Variants in ZNF142 observed in about 807,000 individuals in gnomAD.
The protein encoded by ZNF142 is zinc finger protein 142, also known as zinc finger protein 142 (clone pHZ-49).
Under a neutral mutation model 132.1 loss-of-function variants are expected in ZNF142, and 96 were observed. The observed-to-expected ratio is 0.73, with a 90% CI of 0.62 to 0.86. ZNF142 has a LOEUF of 0.86. Among genes scored for constraint, ZNF142 ranks in the 40% least tolerant of loss-of-function variants. ZNF142 has a pLI of 0.00. For missense variants in ZNF142, 2,163 were observed against 2,336.2 expected, an observed-to-expected ratio of 0.93 and a Z score of 1.53; for synonymous variants, 842 against 890.1, an observed-to-expected ratio of 0.95 and a Z score of 0.96.
In ZNF142 at chr2:218,643,396, AGAG is replaced by A. The variant is rs1232577582; in HGVS notation, c.3717_3719del (p.Ser1240del). ...AGCCTTCAGCCACGTGAGAGGTAAT[AGAG>A]GAGAGCCGGGAACAAAGGAATGGGC... On this transcript the variant is annotated inframe_deletion, in exon 9 of 11. Transcript: ENST00000411696. The A allele has an allele frequency of 7.4e-6, 12 of 1,614,088 alleles. No homozygotes were observed. The highest frequency in any genetic ancestry group is 1.7e-5 in the Admixed American group (1 of 60,006).
chr2:218,651,764 C>G lies in ZNF142; in HGVS notation c.817G>C (p.Gly273Arg). 1 of 1,289,888 alleles carries G rather than the reference C, an allele frequency of 7.8e-7. No homozygotes were observed. The highest frequency in any genetic ancestry group is 1.2e-5 in the South Asian group (1 of 81,026). 79.9% of individuals were successfully genotyped at this position (1,289,888 alleles called of 1,614,324 possible). Residue 273 changes from glycine (G) to arginine (R), a missense_variant, in exon 5 of 11, where the codon GGT (glycine) becomes CGT (arginine). Transcript: ENST00000411696. ...KLFRQHQRSH[G>R]AGTQGELSAV... is the part of the protein sequence containing the mutation. ...GAAAGTTCTCCCTGTGTCCCAGCAC[C>G]ATGGCTCCGCTGATGCTGCCGGAAG...
chr2:218,651,313 G>A (rs1270072200), intron 5 of ZNF142, among the ~76,000 whole-genome samples: 1 of 152,122 alleles, frequency 6.6e-6, no homozygotes, highest in African/African-American at 2.4e-5. Flanking sequence ...AAATAACCCT[G>A]GCTTCTACTG....
chr2:218,649,515 A>G, intron 6 of ZNF142, 56 bp from the exon 7 acceptor site: 1 of 1,447,884 alleles, frequency 6.9e-7, no homozygotes, highest in East Asian at 2.5e-5. Context: ...GGAAAGCCAG[A>G]TAATGGGAGA....
intron 4 of ZNF142, among the ~76,000 whole-genome samples, chr2:218,653,551 G>A (rs919171214): frequency 6.7e-6 from 1 of 149,336 alleles, no homozygotes; most frequent in African/African-American, 2.5e-5. Flanking sequence ...CTGCAGCCTG[G>A]GTGACAAGAG....
In ZNF142 at chr2:218,636,576, G is replaced by A. The variant is rs1696769518; in HGVS notation, c.*1763C>T. On this transcript the variant is annotated 3_prime_UTR_variant, in exon 11 of 11. Transcript: ENST00000411696. ...GAAGGCCTGGAGGGGGATGAGTCCTGAGGTGGGCATTTCACGGGAAGGGTT... is the reference window on the plus strand; with the variant it reads ...GAAGGCCTGGAGGGGGATGAGTCCTAAGGTGGGCATTTCACGGGAAGGGTT... 6.2e-7 allele frequency: 1 copy of A among 1,613,682 alleles called. No homozygotes were observed. The highest frequency in any genetic ancestry group is 8.5e-7 in the Non-Finnish European group (1 of 1,179,736).
In ZNF142 at chr2:218,642,618, C is replaced by T. The variant is rs1697318937; in HGVS notation, c.4498G>A (p.Ala1500Thr). The T allele has an allele frequency of 6.2e-7, 1 of 1,613,976 alleles. No individual in the cohort carries two copies. Among genetic ancestry groups the T allele is most frequent in the East Asian group, 2.2e-5 (1 of 44,878 alleles). Residue 1500 changes from alanine to threonine, a missense_variant, in exon 9 of 11, where the codon GCA becomes ACA. This residue lies in a region of ZNF142 where 809 missense variants were observed against 801.7 expected (regional missense o/e 1.01). Transcript: ENST00000411696. This position sits in a 1 kb window ranked among gnomAD's most constrained non-coding sequence, Gnocchi z 4.6. Reference sequence around the variant, plus strand: ...CGGCGCAGAGCATGCTGCTTAAGTGCTGTCTCTGAGCTGAACTGGGCTTCA... The same window carrying T: ...CGGCGCAGAGCATGCTGCTTAAGTGTTGTCTCTGAGCTGAACTGGGCTTCA... ...QCEAQFSSETALKQHALRRHP... is the reference protein window; with the variant it reads ...QCEAQFSSETTLKQHALRRHP...
rs188734714 is a variant in ZNF142, at chr2:218,638,649, C to T, written c.5354G>A (p.Arg1785His). The change falls in exon 11 of 11, where the codon CGC (arginine) becomes CAC (histidine). Residue 1785 changes from arginine to histidine, a missense_variant. This residue lies in a region of ZNF142 where 325 missense variants were observed against 367.8 expected (regional missense o/e 0.88). Coordinates refer to ENST00000411696, the MANE Select transcript of ZNF142 (RefSeq NM_001379659.1). ...KTRFLLRTHL[R>H]KHSEAKPYVC... ...ATAGGGTTTGGCCTCACTGTGCTTG[C>T]GAAGGTGGGTGCGCAGCAGGAAGCG... 59 of 1,614,206 alleles carry T rather than the reference C, an allele frequency of 3.7e-5. 1 individual carries two copies. Among genetic ancestry groups the T allele is most frequent in the East Asian group, 2.5e-4 (11 of 44,884 alleles).
Position 218,652,035 on chromosome 2 carries a change from G to C in ZNF142, c.546C>G (p.His182Gln). ...CAGGAGTGCCCCGGTGAATCTTGAA[G>C]TGGCTCTTCAGGGCCTGGGGTTGGG... ...EFAQPQALKS[H>Q]FKIHRGTPDT... The change falls in exon 5 of 11, where the codon CAC (histidine) becomes CAG (glutamine). Residue 182 changes from histidine to glutamine, a missense_variant. By Grantham distance (24) the His-to-Gln change is conservative. Transcript: ENST00000411696. The C allele has an allele frequency of 1.9e-6, 1 of 514,536 alleles. No individual in the cohort carries two copies. The highest frequency in any genetic ancestry group is 3.6e-6 in the Non-Finnish European group (1 of 280,132). 31.9% of individuals were successfully genotyped at this position (514,536 alleles called of 1,614,324 possible).
intron 9 of ZNF142, among the ~76,000 whole-genome samples, chr2:218,641,370 G>A (rs1332592096): frequency 2.0e-5 from 3 of 150,246 alleles, no homozygotes; most frequent in Non-Finnish European, 3.0e-5. Flanking sequence ...CCTCAGCCTC[G>A]AGTAGCTGGG....
In ZNF142 at chr2:218,644,426, A is replaced by T. The variant is rs1408454143; in HGVS notation, c.2690T>A (p.Leu897Gln). ...CTCCAGCTCTACTCCCAGGGCCTCT[A>T]GGTGTAGTGTGCAGCTGCCCTCCTC... ...EVEEGSCTLH[L>Q]EALGVELESV... Residue 897 changes from leucine (L) to glutamine (Q), a missense_variant, in exon 9 of 11, where the codon CTA (leucine) becomes CAA (glutamine). Transcript: ENST00000411696. The surrounding 1 kb of genome is among the most constrained non-coding windows in gnomAD (Gnocchi z 4.6). 6.2e-7 allele frequency: 1 copy of T among 1,614,014 alleles called. No homozygotes were observed. The highest frequency in any genetic ancestry group is 1.1e-5 in the South Asian group (1 of 91,086).
chr2:218,647,646 C>T (rs1697862003), intron 7 of ZNF142, among the ~76,000 whole-genome samples: 1 of 152,078 alleles, frequency 6.6e-6, no homozygotes, highest in Non-Finnish European at 1.5e-5. Context: ...CCAAAGCTGT[C>T]AGTGATACTC....
chr2:218,643,115 T>C lies in ZNF142; in HGVS notation c.4001A>G (p.Glu1334Gly), dbSNP rs1349437622. The C allele has an allele frequency of 3.1e-6, 5 of 1,613,052 alleles. No individual in the cohort carries two copies. Among genetic ancestry groups the C allele is most frequent in the Non-Finnish European group, 3.4e-6 (4 of 1,179,600 alleles). ...IRGCPLEESG[E>G]LHCSLCPFTA... ...GAATGGGCAGAGGCTGCAGTGCAGC[T>C]CTCCAGACTCCTCGAGGGGGCAGCC... Residue 1334 changes from glutamate to glycine, a missense_variant, in exon 9 of 11, where the codon GAG becomes GGG. Transcript: ENST00000411696.
rs200133906 is a variant in ZNF142 at position 218,638,625 on chromosome 2, T to C, written c.5378A>G (p.Tyr1793Cys). 1.9e-6 allele frequency: 3 copies of C among 1,614,158 alleles called. No individual in the cohort carries two copies. The highest frequency in any genetic ancestry group is 1.1e-5 in the South Asian group (1 of 91,080). The change falls in exon 11 of 11, where the codon TAT becomes TGT. Residue 1793 changes from tyrosine (Y) to cysteine (C), a missense_variant. Coordinates refer to ENST00000411696, the MANE Select transcript of ZNF142 (RefSeq NM_001379659.1). ...HLRKHSEAKP[Y>C]VCNVCHRAFR... ...AGCACGGTGGCACACATTGCACACA[T>C]AGGGTTTGGCCTCACTGTGCTTGCG...
In ZNF142 at chr2:218,640,709, A is replaced by G; in HGVS notation, c.5149T>C (p.Cys1717Arg). Residue 1717 changes from cysteine (C) to arginine (R), a missense_variant, in exon 10 of 11, where the codon TGC (cysteine) becomes CGC (arginine). Around this residue, in one of 7 missense-constraint regions of ZNF142, gnomAD observed 325 missense variants for 367.8 expected, o/e 0.88. Transcript: ENST00000411696. ...KYLCPECGYKCKWVNQLKYHM... is the reference protein window; with the variant it reads ...KYLCPECGYKRKWVNQLKYHM... ...TATTTCAGCTGGTTGACCCACTTGCACTTGTAGCCACACTCAGGGCACAGG... is the reference window on the plus strand; with the variant it reads ...TATTTCAGCTGGTTGACCCACTTGCGCTTGTAGCCACACTCAGGGCACAGG... 1 of 1,614,158 alleles carries G rather than the reference A, an allele frequency of 6.2e-7. No homozygotes were observed. Among genetic ancestry groups the G allele is most frequent in the Non-Finnish European group, 8.5e-7 (1 of 1,180,028 alleles).
rs1484115283 is a variant in ZNF142 at position 218,635,821 on chromosome 2, A to G, written c.*2518T>C. 4.3e-6 allele frequency: 7 copies of G among 1,613,454 alleles called. No individual in the cohort carries two copies. The highest frequency in any genetic ancestry group is 3.3e-5 in the South Asian group (3 of 90,958). On this transcript the variant is annotated 3_prime_UTR_variant, in exon 11 of 11. Coordinates refer to ENST00000411696, the MANE Select transcript of ZNF142 (RefSeq NM_001379659.1). Reference sequence around the variant, plus strand: ...GTGATCAGCGGTCAGCAACTCCCCAAAGTGGACAAGACCAAAGAGGGGTCC... The same window carrying G: ...GTGATCAGCGGTCAGCAACTCCCCAGAGTGGACAAGACCAAAGAGGGGTCC...
chr2:218,644,187 T>C lies in ZNF142; in HGVS notation c.2929A>G (p.Asn977Asp). Residue 977 changes from asparagine (N) to aspartate (D), a missense_variant, in exon 9 of 11, where the codon AAC becomes GAC. Around this residue, in one of 7 missense-constraint regions of ZNF142, gnomAD observed 809 missense variants for 801.7 expected, o/e 1.01. Transcript: ENST00000411696. This position sits in a 1 kb window ranked among gnomAD's most constrained non-coding sequence, Gnocchi z 4.6. ...GTCTTGAAGGTTCCTACCCAGTTGT[T>C]AGGAGCCTCCTCTAAGGATGGAGGA... ...TNPPSLEEAPNNWVGTFKTTP... is the reference protein window; with the variant it reads ...TNPPSLEEAPDNWVGTFKTTP... 1 of 1,614,094 alleles carries C rather than the reference T, an allele frequency of 6.2e-7. No individual in the cohort carries two copies. Among genetic ancestry groups the C allele is most frequent in the Non-Finnish European group, 8.5e-7 (1 of 1,179,994 alleles).
intron 3 of ZNF142, 65 bp from the exon 4 acceptor site, chr2:218,656,528 T>TG (rs1938521691): frequency 7.8e-7 from 1 of 1,284,526 alleles, no homozygotes; most frequent in Non-Finnish European, 1.0e-6. Context: ...CTGGCTGGCG[T>TG]GGGTACACAG....
In ZNF142 at chr2:218,642,522, G is replaced by A. The variant is rs759147770; in HGVS notation, c.4594C>T (p.Arg1532Cys). The A allele has an allele frequency of 3.1e-5, 50 of 1,608,742 alleles. No homozygotes were observed. The highest frequency in any genetic ancestry group is 3.0e-4 in the South Asian group (27 of 90,674). ...GGGCTGGGGCACAGCAACCCACAGC[G>A]GGAACAGTGCAGGGGGCCCTCAGTG... Reference protein sequence around the residue: ...ETTEGPLHCSRCGLLCPSPAS... With the variant: ...ETTEGPLHCSCCGLLCPSPAS... The change falls in exon 9 of 11, where the codon CGC (arginine) becomes TGC (cysteine). Residue 1532 changes from arginine (R) to cysteine (C), a missense_variant. Arg to Cys is a radical substitution (Grantham distance 180). Around this residue, in one of 7 missense-constraint regions of ZNF142, gnomAD observed 809 missense variants for 801.7 expected, o/e 1.01. Coordinates refer to ENST00000411696, the MANE Select transcript of ZNF142 (RefSeq NM_001379659.1). This position sits in a 1 kb window ranked among gnomAD's most constrained non-coding sequence, Gnocchi z 4.6.
chr2:218,644,487 C>T lies in ZNF142; in HGVS notation c.2629G>A (p.Gly877Ser), dbSNP rs772765761. The T allele has an allele frequency of 3.1e-6, 5 of 1,613,898 alleles. No homozygotes were observed. The highest frequency in any genetic ancestry group is 2.7e-5 in the African/African-American group (2 of 74,928). The change falls in exon 9 of 11, where the codon GGT becomes AGT. Residue 877 changes from glycine (G) to serine (S), a missense_variant. Physicochemically the swap from Gly to Ser is moderately conservative, Grantham distance 56. Around this residue, in one of 7 missense-constraint regions of ZNF142, gnomAD observed 749 missense variants for 830.3 expected, o/e 0.90. Transcript: ENST00000411696. This position sits in a 1 kb window ranked among gnomAD's most constrained non-coding sequence, Gnocchi z 4.6. The stretch of plus-strand genomic sequence containing the variant: ...GGGCTGGGACTGCCACCCAGGTCAC[C>T]CCCATGGGGAGCCTCACTGCCCTCC... Reference protein sequence around the residue: ...RQEGSEAPHGGDLGGSPSPAE... With the variant: ...RQEGSEAPHGSDLGGSPSPAE...
Sources: gnomAD v4.1 joint callset for allele counts (sites outside exome capture counted in the v4.1 genomes callset) on GRCh38, gnomAD v4.1.1 for gene constraint, gnomAD v4.1.1 regional missense constraint, Gnocchi (gnomAD v3.1) non-coding constraint, MANE v1.5 for transcripts, NCBI Gene and HGNC (gene_info 2026-07-23, HGNC 2026-07-21) for gene names.